The following KCND2 variants were observed in gnomAD, a reference collection of about 807,000 sequenced individuals.
KCND2 encodes the protein A-type voltage-gated potassium channel KCND2.
KCND2 carries 16 observed loss-of-function variants against 54.4 expected under a neutral mutation model. The observed-to-expected ratio is 0.29, with a 90% CI of 0.20 to 0.45. The LOEUF (loss-of-function observed/expected upper bound fraction) is 0.45. Among genes scored for constraint, KCND2 ranks in the 20% least tolerant of loss-of-function variants. KCND2 has a pLI of 1.00. For synonymous variants in KCND2, 317 were observed against 310.7 expected (o/e 1.02, Z -0.21); for missense variants, 486 against 824.2 (o/e 0.59, Z 5.02).
chr7:120,675,061 A>C (rs1792041101), intron 1 of KCND2, among the ~76,000 whole-genome samples: 1 of 152,056 alleles, frequency 6.6e-6, no homozygotes, highest in Non-Finnish European at 1.5e-5. Context: ...CTTTTGTTGA[A>C]AATATGAGTT....
chr7:120,617,999 G>C (rs1025667532), intron 1 of KCND2, among the ~76,000 whole-genome samples: 60 of 151,964 alleles, frequency 3.9e-4, no homozygotes, highest in Non-Finnish European at 1.0e-4. Flanking sequence ...ACAAACACCA[G>C]AGCCTACTCA....
At chr7:120,558,995 G>A (rs1298299381) in intron 1 of KCND2, among the ~76,000 whole-genome samples, 1 of 146,072 alleles carries the variant, frequency 6.8e-6, no homozygotes, top group Non-Finnish European at 1.5e-5. Context: ...ACAAAGTACT[G>A]TGTGTGTGTG....
Position 120,390,500 on chromosome 7 carries a change from G to A in KCND2, c.1115+114753G>A, listed in dbSNP as rs139993686. 1.4e-3 allele frequency among the ~76,000 whole-genome samples: 218 copies of A among 151,942 alleles called. 1 individual carries two copies. Among genetic ancestry groups the A allele is most frequent in the African/African-American group, 5.2e-3 (215 of 41,484 alleles). On this transcript the variant is annotated intron_variant, in intron 1 of 5. Coordinates refer to ENST00000331113, the MANE Select transcript of KCND2 (RefSeq NM_012281.3). The stretch of plus-strand genomic sequence containing the variant: ...CCTATATTACAGATAAGTAAACCAA[G>A]TCTTAGACAGCTGAGGGGATTGAGC...
At chr7:120,684,565 G>A (rs943055449) in intron 1 of KCND2, among the ~76,000 whole-genome samples, 1 of 152,108 alleles carries the variant, frequency 6.6e-6, no homozygotes, top group Non-Finnish European at 1.5e-5. Flanking sequence ...TAGTTACTTT[G>A]AGTAGCATTT....
chr7:120,648,950 TTAA>T lies in KCND2; in HGVS notation c.1116-83949_1116-83947del, dbSNP rs553996885. Among the ~76,000 whole-genome samples, 687 of 152,274 alleles carry T rather than the reference TTAA, an allele frequency of 4.5e-3. 4 individuals are homozygous for T. Among genetic ancestry groups the T allele is most frequent in the Non-Finnish European group, 7.7e-3 (521 of 67,998 alleles). On this transcript the variant is annotated intron_variant, in intron 1 of 5. Coordinates refer to ENST00000331113, the MANE Select transcript of KCND2 (RefSeq NM_012281.3). ...GACTTGATATTAATTTAAATAAAAA[TTAA>T]TAAGCCATTGAATCACACTAGTAAA... is the stretch of plus-strand genomic sequence containing the variant.
chr7:120,428,037 T>A (rs935486578), intron 1 of KCND2, among the ~76,000 whole-genome samples: 1 of 152,342 alleles, frequency 6.6e-6, no homozygotes, highest in East Asian at 1.9e-4. Flanking sequence ...AATGTATACA[T>A]GTAAAAAAAT....
intron 1 of KCND2, among the ~76,000 whole-genome samples, chr7:120,719,580 A>C (rs941919529): frequency 1.3e-5 from 2 of 152,140 alleles, no homozygotes; most frequent in Non-Finnish European, 2.9e-5. Flanking sequence ...GCAATCTTAT[A>C]ATCTCCTTTA....
At chr7:120,464,734 G>A (rs2116247590) in intron 1 of KCND2, among the ~76,000 whole-genome samples, 2 of 152,266 alleles carry the variant, frequency 1.3e-5, no homozygotes, top group Middle Eastern at 6.8e-3. Context: ...TAGGTCTGAG[G>A]TCTTTGTTTC....
chr7:120,273,767 A>G lies in KCND2; in HGVS notation c.-866A>G, dbSNP rs900679058. 2 of 152,754 alleles carry G rather than the reference A, an allele frequency of 1.3e-5. No homozygotes were observed. The highest frequency in any genetic ancestry group is 4.8e-5 in the African/African-American group (2 of 41,458). 9.5% of individuals were successfully genotyped at this position (152,754 alleles called of 1,614,324 possible). On this transcript the variant is annotated 5_prime_UTR_variant, in exon 1 of 6. It removes an upstream start codon present in the reference 5' UTR. Coordinates refer to ENST00000331113, the MANE Select transcript of KCND2 (RefSeq NM_012281.3). Reference sequence around the variant, plus strand: ...AGCCCCGGCGCGCACTTGGCCAGGTATGTACCGCGGGAGCGGCGCGTTCTG... The same window carrying G: ...AGCCCCGGCGCGCACTTGGCCAGGTGTGTACCGCGGGAGCGGCGCGTTCTG...
intron 1 of KCND2, among the ~76,000 whole-genome samples, chr7:120,685,969 A>C (rs1792196110): frequency 6.6e-6 from 1 of 152,164 alleles, no homozygotes; most frequent in Non-Finnish European, 1.5e-5. Flanking sequence ...AGCACATTCA[A>C]GTGACTGAAG....
chr7:120,410,243 C>T (rs892062438), intron 1 of KCND2, among the ~76,000 whole-genome samples: 6 of 151,906 alleles, frequency 3.9e-5, no homozygotes, highest in African/African-American at 1.4e-4. Context: ...TTCCATCAGT[C>T]TATATGCCTG....
intron 1 of KCND2, among the ~76,000 whole-genome samples, chr7:120,375,515 C>A (rs1295597272): frequency 1.3e-5 from 2 of 151,730 alleles, no homozygotes; most frequent in Non-Finnish European, 2.9e-5. Context: ...TATGCGTTTT[C>A]AATATGCTGC....
At chr7:120,292,938 C>T (rs937384565) in intron 1 of KCND2, among the ~76,000 whole-genome samples, 3 of 151,740 alleles carry the variant, frequency 2.0e-5, no homozygotes, top group Non-Finnish European at 4.4e-5. Context: ...GAAGAGAGTA[C>T]ATTGGAATCA....
chr7:120,332,732 A>G (rs769566884), intron 1 of KCND2, among the ~76,000 whole-genome samples: 37 of 152,090 alleles, frequency 2.4e-4, no homozygotes, highest in Non-Finnish European at 5.0e-4. Flanking sequence ...ATAAAAGCTC[A>G]TTGTTACTTG....
At chr7:120,346,084 T>C (rs1375966125) in intron 1 of KCND2, among the ~76,000 whole-genome samples, 14 of 152,192 alleles carry the variant, frequency 9.2e-5, no homozygotes, top group Non-Finnish European at 1.6e-4. Flanking sequence ...TGCATTTTCC[T>C]AATAATTAGT....
chr7:120,730,108 T>C (rs1197336465), intron 1 of KCND2, among the ~76,000 whole-genome samples: 24 of 152,202 alleles, frequency 1.6e-4, no homozygotes, highest in Admixed American at 1.5e-3. Flanking sequence ...AGCTAGTTTA[T>C]ATATTTATAT....
chr7:120,471,061 T>G (rs1802446482), intron 1 of KCND2, among the ~76,000 whole-genome samples: 1 of 152,090 alleles, frequency 6.6e-6, no homozygotes, highest in Non-Finnish European at 1.5e-5. Flanking sequence ...TTGGTTAATA[T>G]GCTGATAGAA....
chr7:120,743,998 G>A (rs1162131065), intron 4 of KCND2, among the ~76,000 whole-genome samples: 2 of 152,162 alleles, frequency 1.3e-5, no homozygotes, highest in African/African-American at 4.8e-5. Flanking sequence ...AGTGGCTCAC[G>A]TCTGTAATCC....
intron 1 of KCND2, among the ~76,000 whole-genome samples, chr7:120,442,410 C>T (rs1801957803): frequency 6.6e-6 from 1 of 151,818 alleles, no homozygotes; most frequent in Non-Finnish European, 1.5e-5. Context: ...GATTGCAACT[C>T]CTGATATAAA....
Sources: allele counts gnomAD v4.1 joint callset (sites outside exome capture counted in the v4.1 genomes callset), GRCh38; gene constraint gnomAD v4.1.1; transcripts MANE v1.5; gene names NCBI Gene and HGNC (gene_info 2026-07-23, HGNC 2026-07-21).